The following PCDHA5 variants were observed in gnomAD, a reference collection of about 807,000 sequenced individuals.
The protein encoded by PCDHA5 is protocadherin alpha-5.
PCDHA5 carries 43 observed loss-of-function variants against 61.6 expected under a neutral mutation model. That is an observed-to-expected ratio of 0.70 (90% CI 0.55 to 0.90). The LOEUF is 0.90. Among genes scored for constraint, PCDHA5 ranks in the 40% least tolerant of loss-of-function variants. The pLI is 0.00. For synonymous variants in PCDHA5, 627 were observed against 543.9 expected, an observed-to-expected ratio of 1.15 and a Z score of -2.13; for missense variants, 1,298 against 1,222.7, an observed-to-expected ratio of 1.06 and a Z score of -0.92.
intron 1 of PCDHA5, among the ~76,000 whole-genome samples, chr5:140,936,295 C>T (rs1482125698): frequency 1.3e-5 from 2 of 152,182 alleles, no homozygotes; most frequent in African/African-American, 4.8e-5. Context: ...TATAACATTG[C>T]TATCCAATAG....
At position 140,821,737 on chromosome 5, in the gene PCDHA5, G is replaced by T. The variant is rs2150110277; in HGVS notation, c.-39G>T. ...TTGAATTTACAAAATACATTGTGTG[G>T]TGATGCAATAGAAAGCTCATAATTG... On this transcript the variant is annotated 5_prime_UTR_variant, in exon 1 of 4. Coordinates refer to ENST00000529859, the MANE Select transcript of PCDHA5 (RefSeq NM_018908.3). The T allele has an allele frequency of 6.5e-7, 1 of 1,541,884 alleles. No individual in the cohort carries two copies. Among genetic ancestry groups the T allele is most frequent in the East Asian group, 2.3e-5 (1 of 44,342 alleles).
At position 140,896,169 on chromosome 5, in the gene PCDHA5, GT is replaced by G. The variant is rs1473218621; in HGVS notation, c.2352+72043del. Among the ~76,000 whole-genome samples, 40 of 152,274 alleles carry G rather than the reference GT, an allele frequency of 2.6e-4. 1 individual carries two copies. The East Asian group carries it at 5.2e-3, about 20-fold the overall frequency. ...TGATGGGCATTTAGGATTATTCTCT[GT>G]CTTTGCTATTGTGAATAGTGCCATG... is the stretch of plus-strand genomic sequence containing the variant. On this transcript the variant is annotated intron_variant, in intron 1 of 3. Transcript: ENST00000529859.
At chr5:140,858,234 C>A (rs782153266) in intron 1 of PCDHA5, 1 of 1,596,332 alleles carries the variant, frequency 6.3e-7, no homozygotes, top group South Asian at 1.1e-5. Context: ...ACCGAGGGCG[C>A]ATGTGGGCCG....
At position 140,822,783 on chromosome 5, in the gene PCDHA5, A is replaced by G. The variant is rs1177899352; in HGVS notation, c.1008A>G (p.Val336=). ...TFPLSGHCKV[V]VKLLDVNDNT... is the part of the protein sequence containing the mutation. ...CATTATCAGGACACTGTAAAGTAGT[A>G]GTGAAACTCCTGGATGTGAATGATA... is the stretch of plus-strand genomic sequence containing the variant. The change falls in exon 1 of 4, where the codon GTA becomes GTG. Residue 336 remains valine (V), a synonymous_variant. Transcript: ENST00000529859. 2 of 1,614,034 alleles carry G rather than the reference A, an allele frequency of 1.2e-6. No homozygotes were observed. Among genetic ancestry groups the G allele is most frequent in the African/African-American group, 1.3e-5 (1 of 74,944 alleles).
At chr5:140,927,123 C>T (rs2083865957) in intron 1 of PCDHA5, 1 of 1,613,986 alleles carries the variant, frequency 6.2e-7, no homozygotes, top group Non-Finnish European at 8.5e-7. Context: ...ATTTGGTGGT[C>T]AGAGAGCCGG....
intron 1 of PCDHA5, among the ~76,000 whole-genome samples, chr5:140,873,502 T>C (rs1554166743): frequency 3.3e-5 from 5 of 152,346 alleles, no homozygotes; most frequent in Non-Finnish European, 7.3e-5. Context: ...AGTTGTGTCT[T>C]TTATACTTAA....
intron 1 of PCDHA5, chr5:140,836,266 C>A: frequency 6.2e-7 from 1 of 1,613,806 alleles, no homozygotes. Context: ...GGGCTGTACA[C>A]TGGTGAGATC....
At chr5:140,880,509 T>G (rs754891409) in intron 1 of PCDHA5, among the ~76,000 whole-genome samples, 134 of 152,182 alleles carry the variant, frequency 8.8e-4, no homozygotes, top group Non-Finnish European at 1.6e-3. Flanking sequence ...TTCTGTTTGG[T>G]CACATCTCTC....
intron 1 of PCDHA5, among the ~76,000 whole-genome samples, chr5:140,826,177 T>A (rs1310139687): frequency 6.6e-6 from 1 of 152,232 alleles, no homozygotes; most frequent in African/African-American, 2.4e-5. Context: ...TGTCATTCTA[T>A]AAATCTAAAG....
intron 1 of PCDHA5, chr5:140,863,366 C>A: frequency 8.4e-7 from 1 of 1,190,444 alleles, no homozygotes; most frequent in Non-Finnish European, 1.2e-6. Context: ...CGGTGCTTGG[C>A]GCAGCTCACC....
At chr5:140,858,849 A>G (rs2045624236) in intron 1 of PCDHA5, 2 of 285,640 alleles carry the variant, frequency 7.0e-6, no homozygotes, top group Admixed American at 5.1e-5. Context: ...CCACTGATCT[A>G]TATCTCTTCA....
intron 1 of PCDHA5, among the ~76,000 whole-genome samples, chr5:140,917,333 G>C (rs1301739777): frequency 6.7e-5 from 10 of 148,748 alleles, no homozygotes; most frequent in East Asian, 2.0e-4. Flanking sequence ...GCGGGGGAGG[G>C]GGGGGATGGT....
At position 140,881,347 on chromosome 5, in the gene PCDHA5, C is replaced by A; in HGVS notation, c.2352+57220C>A. 3 of 985,212 alleles carry A rather than the reference C, an allele frequency of 3.0e-6. No homozygotes were observed. In the African/African-American group the frequency reaches 5.2e-5, roughly 17 times the overall value. 61.0% of individuals were successfully genotyped at this position (985,212 alleles called of 1,614,324 possible). ...TTAACCAGGACGCCGATTCGGGCTA[C>A]AATGCGTGGCTTTCGTATGAATTGC... On this transcript the variant is annotated intron_variant, in intron 1 of 3. Transcript: ENST00000529859.
chr5:140,916,022 A>G (rs982398362), intron 1 of PCDHA5, among the ~76,000 whole-genome samples: 1 of 151,978 alleles, frequency 6.6e-6, no homozygotes, highest in Non-Finnish European at 1.5e-5. Context: ...AGTCTTTCCC[A>G]TTCTTCCCTC....
At chr5:140,841,786 G>C in intron 1 of PCDHA5, 1 of 1,613,902 alleles carries the variant, frequency 6.2e-7, no homozygotes, top group Non-Finnish European at 8.5e-7. Context: ...TTCCGCTAGA[G>C]GGCGCGTCCG....
intron 1 of PCDHA5, chr5:140,849,907 G>A (rs2150457051): frequency 1.3e-6 from 2 of 1,598,320 alleles, no homozygotes; most frequent in East Asian, 4.5e-5. Flanking sequence ...AACCCGCCGG[G>A]CTGCCACATC....
At chr5:140,879,802 T>A (rs535783687) in intron 1 of PCDHA5, among the ~76,000 whole-genome samples, 1 of 152,330 alleles carries the variant, frequency 6.6e-6, no homozygotes, top group Non-Finnish European at 1.5e-5. Flanking sequence ...TCTTCCAGTT[T>A]CTATTGGCTG....
rs1554144120 is a variant in PCDHA5, at chr5:140,850,272, A to G, written c.2352+26145A>G. 1.2e-5 allele frequency: 19 copies of G among 1,594,612 alleles called. 2 individuals carry two copies. The highest frequency in any genetic ancestry group is 7.7e-6 in the Non-Finnish European group (9 of 1,167,372). Reference sequence around the variant, plus strand: ...GGTGGGCGCCGGCGTAGTGGTGGGGAAGGTGCGCGCAGTGGACGCCGACTC... The same window carrying G: ...GGTGGGCGCCGGCGTAGTGGTGGGGGAGGTGCGCGCAGTGGACGCCGACTC... On this transcript the variant is annotated intron_variant, in intron 1 of 3. Transcript: ENST00000529859.
intron 1 of PCDHA5, chr5:140,850,881 A>G (rs2041865232): frequency 1.3e-6 from 2 of 1,586,312 alleles, no homozygotes; most frequent in African/African-American, 1.4e-5. Context: ...CTCAGATTCA[A>G]CTGGGAAGGT....
Sources: allele counts gnomAD v4.1 joint callset (sites outside exome capture counted in the v4.1 genomes callset), GRCh38; gene constraint gnomAD v4.1.1; transcripts MANE v1.5; gene names NCBI Gene and HGNC (gene_info 2026-07-23, HGNC 2026-07-21).